The following ADARB2 variants were observed in gnomAD, a reference collection of about 807,000 sequenced individuals.
The protein encoded by ADARB2 is adenosine deaminase RNA specific B2 (inactive), also known as inactive double-stranded RNA-specific editase B2.
A neutral mutation model predicts 62.2 loss-of-function variants in ADARB2; 25 were observed. The observed-to-expected ratio is 0.40, with a 90% confidence interval of 0.29 to 0.56. The LOEUF (loss-of-function observed/expected upper bound fraction) is 0.56. ADARB2 is among the 20% of genes least tolerant of loss of function. The pLI is 0.43. For missense variants in ADARB2, 1,071 were observed against 1,077.4 expected (o/e 0.99, Z 0.08); for synonymous variants, 572 against 500.8 (o/e 1.14, Z -1.90).
intron 3 of ADARB2, among the ~76,000 whole-genome samples, chr10:1,278,605 T>G (rs1831342097): frequency 6.6e-6 from 1 of 152,114 alleles, no homozygotes; most frequent in South Asian, 2.1e-4. Context: ...TTCATTCTTT[T>G]TTTTTTTTTA....
At chr10:1,209,286 C>T (rs1282629223) in intron 7 of ADARB2, among the ~76,000 whole-genome samples, 2 of 150,106 alleles carry the variant, frequency 1.3e-5, no homozygotes, top group African/African-American at 2.5e-5. Flanking sequence ...CACGCCTACA[C>T]CATCACCCAT....
At position 1,645,884 on chromosome 10, in the gene ADARB2, T is replaced by C. The variant is rs1343595448; in HGVS notation, c.100+91167A>G. ...CTTCTTCATTTATCAGGTTTATTCA[T>C]TCATAAACTCAATCAGTCATTCCAG... On this transcript the variant is annotated intron_variant, in intron 1 of 9. Transcript: ENST00000381312. Among the ~76,000 whole-genome samples the C allele has an allele frequency of 2.6e-5, 4 of 152,252 alleles. No homozygotes were observed. In the South Asian group the frequency reaches 8.3e-4, roughly 32 times the overall value.
At chr10:1,231,055 T>C (rs1195506053) in intron 6 of ADARB2, among the ~76,000 whole-genome samples, 1 of 152,058 alleles carries the variant, frequency 6.6e-6, no homozygotes, top group Non-Finnish European at 1.5e-5. Flanking sequence ...TGGTGATCGA[T>C]GTACAGAGAT....
At chr10:1,443,325 C>T (rs1830926059) in intron 1 of ADARB2, among the ~76,000 whole-genome samples, 1 of 152,150 alleles carries the variant, frequency 6.6e-6, no homozygotes, top group Non-Finnish European at 1.5e-5. Flanking sequence ...CTTTCTTTGC[C>T]ATTTATGCTC....
chr10:1,594,708 G>T (rs975398580), intron 1 of ADARB2, among the ~76,000 whole-genome samples: 1 of 152,304 alleles, frequency 6.6e-6, no homozygotes, highest in African/African-American at 2.4e-5. Flanking sequence ...AGCAGCTTAG[G>T]CTGCTGGAGC....
At chr10:1,365,336 C>T (rs935930776) in intron 2 of ADARB2, among the ~76,000 whole-genome samples, 11 of 152,052 alleles carry the variant, frequency 7.2e-5, no homozygotes, top group Non-Finnish European at 1.2e-4. Flanking sequence ...GTGTTCCCAC[C>T]GCTCCACGGA....
chr10:1,657,519 T>C (rs376722421), intron 1 of ADARB2, among the ~76,000 whole-genome samples: 112 of 152,332 alleles, frequency 7.4e-4, no homozygotes, highest in African/African-American at 2.6e-3. Context: ...ATGGAGATAA[T>C]GCACTCACCA....
intron 1 of ADARB2, among the ~76,000 whole-genome samples, chr10:1,506,126 C>A (rs1448002756): frequency 2.7e-5 from 4 of 146,682 alleles, no homozygotes; most frequent in Non-Finnish European, 6.1e-5. Flanking sequence ...ACCTATTGGA[C>A]TTTTTACTGT....
At chr10:1,686,895 T>A (rs1450321625) in intron 1 of ADARB2, among the ~76,000 whole-genome samples, 2 of 151,838 alleles carry the variant, frequency 1.3e-5, no homozygotes, top group Non-Finnish European at 1.5e-5. Flanking sequence ...AGCTAACTAA[T>A]TGTGATCAAA....
chr10:1,229,606 G>A (rs373667556), intron 6 of ADARB2, among the ~76,000 whole-genome samples: 7 of 54,116 alleles, frequency 1.3e-4, no homozygotes, highest in Middle Eastern at 9.4e-3. Flanking sequence ...ACTTAATCAC[G>A]TCATAGTTAT....
At position 1,301,520 on chromosome 10, in the gene ADARB2, C is replaced by T. The variant is rs1831572728; in HGVS notation, c.1078-30451G>A. Among the ~76,000 whole-genome samples, 3 of 151,754 alleles carry T rather than the reference C, an allele frequency of 2.0e-5. No homozygotes were observed. The South Asian group carries it at 6.3e-4, about 32-fold the overall frequency. ...AATATAAAACCGTTAAGAAAATCAA[C>T]CTTAAACAGAAAACTTTCTTTTCTT... On this transcript the variant is annotated intron_variant, in intron 3 of 9. Coordinates refer to ENST00000381312, the MANE Select transcript of ADARB2 (RefSeq NM_018702.4).
At chr10:1,568,548 GA>G (rs1229851942) in intron 1 of ADARB2, among the ~76,000 whole-genome samples, 2 of 149,940 alleles carry the variant, frequency 1.3e-5, no homozygotes, top group African/African-American at 4.9e-5. Context: ...AGAAAGAAAA[GA>G]AAGAAAGAAA....
At chr10:1,470,885 C>T (rs1040522300) in intron 1 of ADARB2, among the ~76,000 whole-genome samples, 2 of 152,094 alleles carry the variant, frequency 1.3e-5, no homozygotes, top group Non-Finnish European at 2.9e-5. Flanking sequence ...ACGGTGAAAC[C>T]CCGTCTCTAC....
chr10:1,307,165 A>AT (rs984740387), intron 3 of ADARB2, among the ~76,000 whole-genome samples: 37 of 104,946 alleles, frequency 3.5e-4, no homozygotes, highest in Non-Finnish European at 6.6e-4. Flanking sequence ...ATGGGAGAAA[A>AT]TTTTCGCAAC....
At chr10:1,595,436 A>G (rs1404298247) in intron 1 of ADARB2, among the ~76,000 whole-genome samples, 3 of 152,216 alleles carry the variant, frequency 2.0e-5, no homozygotes, top group African/African-American at 7.2e-5. Flanking sequence ...GGACGTTCAG[A>G]AGGATCAACA....
At chr10:1,685,190 A>G (rs1834583767) in intron 1 of ADARB2, among the ~76,000 whole-genome samples, 1 of 152,158 alleles carries the variant, frequency 6.6e-6, no homozygotes, top group East Asian at 1.9e-4. Flanking sequence ...CTGTGTGAGC[A>G]TGTGTGTTGG....
At chr10:1,271,817 G>T (rs1056592657) in intron 3 of ADARB2, among the ~76,000 whole-genome samples, 2 of 152,186 alleles carry the variant, frequency 1.3e-5, no homozygotes, top group Non-Finnish European at 2.9e-5. Context: ...TTGACATGGG[G>T]CCCCAAGCTT....
intron 1 of ADARB2, among the ~76,000 whole-genome samples, chr10:1,550,163 C>T (rs1185168234): frequency 2.0e-5 from 3 of 152,160 alleles, no homozygotes; most frequent in Admixed American, 6.5e-5. Flanking sequence ...GGAACCCCTC[C>T]CCGCTGCAGG....
intron 1 of ADARB2, among the ~76,000 whole-genome samples, chr10:1,636,449 TGAG>T (rs1833918066): frequency 6.6e-6 from 1 of 152,048 alleles, no homozygotes; most frequent in Non-Finnish European, 1.5e-5. Context: ...CCTCAGAGGT[TGAG>T]GCTGCAGTGA....
Sources: gnomAD v4.1 joint callset for allele counts (sites outside exome capture counted in the v4.1 genomes callset) on GRCh38, gnomAD v4.1.1 for gene constraint, MANE v1.5 for transcripts, NCBI Gene and HGNC (gene_info 2026-07-23, HGNC 2026-07-21) for gene names.